TRAF3IP3: variants seen among roughly 807,000 people sequenced by gnomAD.
TRAF3IP3 encodes TRAF3-interacting JNK-activating modulator.
In TRAF3IP3, 64 loss-of-function variants were observed where a neutral mutation model predicts 86.5. That is an observed-to-expected ratio of 0.74 (90% CI 0.60 to 0.91). The LOEUF (loss-of-function observed/expected upper bound fraction) is 0.91, where lower values mean the gene tolerates loss of function less well. Ranked by LOEUF, TRAF3IP3 falls within the 40% of genes least tolerant of loss-of-function variation. TRAF3IP3 has a pLI of 0.00. For synonymous variants in TRAF3IP3, 220 were observed against 243.9 expected (o/e 0.90, Z 0.91); for missense variants, 579 against 642.9 (o/e 0.90, Z 1.07).
At chr1:209,768,362 G>A (rs1220550779) in intron 8 of TRAF3IP3, 21 of 985,348 alleles carry the variant, frequency 2.1e-5, no homozygotes, top group Non-Finnish European at 2.5e-5. Context: ...CTCCTGAGGA[G>A]GGTCCAACCT....
intron 6 of TRAF3IP3, 124 bp from the exon 7 acceptor site, chr1:209,763,239 G>A: frequency 7.2e-7 from 1 of 1,392,356 alleles, no homozygotes; most frequent in Non-Finnish European, 1.0e-6. Context: ...GGGACTAAAG[G>A]GACCCTGTCA....
Position 209,775,375 on chromosome 1 carries a change from A to C in TRAF3IP3, c.801A>C (p.Lys267Asn). Residue 267 changes from lysine to asparagine, a missense_variant, in exon 10 of 17, where the codon AAA becomes AAC. Physicochemically the swap from Lys to Asn is moderately conservative, Grantham distance 94 (BLOSUM62 0). Transcript: ENST00000367025. ...AATACTCCCCTTGGGGAATGAAAAA[A>C]GTACTACTGGAGATGGAAGACCAGA... ...TQKYSPWGMK[K>N]VLLEMEDQKN... is the part of the protein sequence containing the mutation. 6.2e-7 allele frequency: 1 copy of C among 1,613,806 alleles called. No homozygotes were observed.
chr1:209,765,224 A>AGG (rs2077327246), intron 8 of TRAF3IP3, among the ~76,000 whole-genome samples: 2 of 96,740 alleles, frequency 2.1e-5, no homozygotes, highest in African/African-American at 9.6e-5. Context: ...GGAGAGAGAG[A>AGG]GAGAGGAAGG....
intron 11 of TRAF3IP3, 44 bp downstream of exon 11, chr1:209,775,780 G>T: frequency 6.5e-7 from 1 of 1,549,060 alleles, no homozygotes; most frequent in East Asian, 2.3e-5. Flanking sequence ...GGTATGGGGA[G>T]GAGGGATGGT....
chr1:209,761,307 T>A (rs915796021), intron 3 of TRAF3IP3, among the ~76,000 whole-genome samples: 1 of 152,240 alleles, frequency 6.6e-6, no homozygotes, highest in Non-Finnish European at 1.5e-5. Flanking sequence ...TCTAAGATTG[T>A]GTAACCCTTA....
chr1:209,763,366 A>T lies in TRAF3IP3; in HGVS notation c.580A>T (p.Ile194Phe), dbSNP rs758174264. ...NYGVAVLDKE[I>F]IQLSDYLKEA... Reference sequence around the variant, plus strand: ...TACCCTTGTTCTTTCTCTCCAGGAAATCATCCAGCTTTCTGATTACCTCAA... The same window carrying T: ...TACCCTTGTTCTTTCTCTCCAGGAATTCATCCAGCTTTCTGATTACCTCAA... Residue 194 changes from isoleucine (I) to phenylalanine (F), a missense_variant, in exon 7 of 17, where the codon ATC becomes TTC. Coordinates refer to ENST00000367025, the MANE Select transcript of TRAF3IP3 (RefSeq NM_025228.4). 2 of 1,613,498 alleles carry T rather than the reference A, an allele frequency of 1.2e-6. No individual in the cohort carries two copies. The highest frequency in any genetic ancestry group is 2.7e-5 in the African/African-American group (2 of 75,028).
chr1:209,780,492 T>G lies in TRAF3IP3; in HGVS notation c.1335T>G (p.Ser445Arg). The change falls in exon 15 of 17, where the codon AGT becomes AGG. Residue 445 changes from serine (S) to arginine (R), a missense_variant. By Grantham distance (110) the Ser-to-Arg change is moderately radical (BLOSUM62 -1). Transcript: ENST00000367025. ...TAGATCAGGCTTTGCCCGTGTGGAG[T>G]CCAAAGTCCTTCCCTAACGAAGTGG... ...TKKDQALPVW[S>R]PKSFPNEVEP... The G allele has an allele frequency of 6.3e-7, 1 of 1,596,218 alleles. No individual in the cohort carries two copies. The highest frequency in any genetic ancestry group is 1.1e-5 in the South Asian group (1 of 89,050).
In TRAF3IP3 at chr1:209,763,487, C is replaced by T; in HGVS notation, c.607-5C>T. On this transcript the variant is annotated splice_polypyrimidine_tract_variant and splice_region_variant and intron_variant, in intron 7 of 16. Transcript: ENST00000367025. ...CCCTCTTGCACTTTGTGCCCGCACC[C>T]CCAGGAGGCCCTACAAAGGGAGCTG... 1 of 1,614,088 alleles carries T rather than the reference C, an allele frequency of 6.2e-7. No individual in the cohort carries two copies. The highest frequency in any genetic ancestry group is 8.5e-7 in the Non-Finnish European group (1 of 1,179,932).
At position 209,778,575 on chromosome 1, in the gene TRAF3IP3, A is replaced by G. The variant is rs182877941; in HGVS notation, c.1252+402A>G. 6.6e-5 allele frequency: 11 copies of G among 167,516 alleles called. No homozygotes were observed. In the East Asian group the frequency reaches 6.7e-4, roughly 10 times the overall value. The allele number at this position is 167,516 out of a possible 1,614,324, so 10.4% of individuals were successfully genotyped here. ...GTGCCTCAATCCACTTCAAAACTACATATTGGGCCCAAAGAGGAAAAGGGA... is the reference window on the plus strand; with the variant it reads ...GTGCCTCAATCCACTTCAAAACTACGTATTGGGCCCAAAGAGGAAAAGGGA... On this transcript the variant is annotated intron_variant, in intron 13 of 16. Transcript: ENST00000367025.
Position 209,780,480 on chromosome 1 carries a change from G to A in TRAF3IP3, c.1323G>A (p.Leu441=). ...TGGCTGCTTTTTTAGATCAGGCTTT[G>A]CCCGTGTGGAGTCCAAAGTCCTTCC... ...EKLLTKKDQA[L]PVWSPKSFPN... The change falls in exon 15 of 17, where the codon TTG becomes TTA. Residue 441 remains leucine (L), a synonymous_variant. Transcript: ENST00000367025. 1.3e-6 allele frequency: 2 copies of A among 1,588,662 alleles called. No individual in the cohort carries two copies. Among genetic ancestry groups the A allele is most frequent in the East Asian group, 4.6e-5 (2 of 43,576 alleles).
At position 209,777,373 on chromosome 1, in the gene TRAF3IP3, C is replaced by T; in HGVS notation, c.1075C>T (p.Gln359Ter). 1 of 1,613,914 alleles carries T rather than the reference C, an allele frequency of 6.2e-7. No homozygotes were observed. Among genetic ancestry groups the T allele is most frequent in the Non-Finnish European group, 8.5e-7 (1 of 1,179,930 alleles). The change falls in exon 12 of 17, where the codon CAG becomes TAG. Residue 359 changes from glutamine to a stop codon, truncating the protein, a stop_gained. Coordinates refer to ENST00000367025, the MANE Select transcript of TRAF3IP3 (RefSeq NM_025228.4). LOFTEE classifies it high-confidence loss of function. Reference sequence around the variant, plus strand: ...ACAGGGAGCAGATAGCAGGGACTTACAGATGAACCAGGCCCTGCGATTTTT... The same window carrying T: ...ACAGGGAGCAGATAGCAGGGACTTATAGATGAACCAGGCCCTGCGATTTTT... ...KLQGADSRDL[Q>*]MNQALRFLEN...
chr1:209,770,772 CCTATGGAGGTGTGTGTGTGT>C (rs1480350145), intron 8 of TRAF3IP3, among the ~76,000 whole-genome samples: 27 of 75,746 alleles, frequency 3.6e-4, no homozygotes, highest in African/African-American at 1.3e-3. Flanking sequence ...TGTGCGTGTG[CCTATGGAGGTGTGTGTGTGT>C]GCATATGGAG....
At chr1:209,770,808 T>G (rs1571938575) in intron 8 of TRAF3IP3, among the ~76,000 whole-genome samples, 1 of 131,280 alleles carries the variant, frequency 7.6e-6, no homozygotes, top group Non-Finnish European at 1.6e-5. Flanking sequence ...TGGAGGTGTG[T>G]GTGTGCAGGT....
chr1:209,767,905 G>A (rs1416292470), intron 8 of TRAF3IP3, among the ~76,000 whole-genome samples: 1 of 152,126 alleles, frequency 6.6e-6, no homozygotes, highest in African/African-American at 2.4e-5. Flanking sequence ...CCCAAGAGCA[G>A]AAGTTCCCTT....
chr1:209,775,233 A>AT (rs1272452713), intron 9 of TRAF3IP3, 116 bp from the exon 10 acceptor site: 39 of 963,132 alleles, frequency 4.0e-5, no homozygotes, highest in Non-Finnish European at 5.9e-5. Flanking sequence ...GGCTCACTAG[A>AT]TTACTGGTAT....
At chr1:209,770,247 C>T (rs4990735) in intron 8 of TRAF3IP3, among the ~76,000 whole-genome samples, 20,971 of 152,234 alleles carry the variant, frequency 0.14, 1,863 homozygotes, top group Non-Finnish European at 0.19. Flanking sequence ...AATATCTCTC[C>T]GTTTCTTGCT....
chr1:209,765,197 GA>G (rs2077321884), intron 8 of TRAF3IP3, among the ~76,000 whole-genome samples: 2 of 137,732 alleles, frequency 1.5e-5, no homozygotes, highest in Admixed American at 7.7e-5. Context: ...GAGAGAGAGA[GA>G]GAGAGAGAGA....
chr1:209,772,693 T>C (rs1327360169), intron 8 of TRAF3IP3, among the ~76,000 whole-genome samples: 1 of 151,416 alleles, frequency 6.6e-6, no homozygotes, highest in African/African-American at 2.5e-5. Context: ...TATGCTACCC[T>C]GAGCCATTTG....
At chr1:209,777,280 C>T (rs2077674308) in intron 11 of TRAF3IP3, 72 bp from the exon 12 acceptor site, 2 of 1,387,058 alleles carry the variant, frequency 1.4e-6, no homozygotes, top group Non-Finnish European at 9.8e-7. Flanking sequence ...TTTCCTCTTC[C>T]ATGGTACCCG....
Sources: allele counts gnomAD v4.1 joint callset (sites outside exome capture counted in the v4.1 genomes callset), GRCh38; gene constraint gnomAD v4.1.1; transcripts MANE v1.5; gene names NCBI Gene and HGNC (gene_info 2026-07-23, HGNC 2026-07-21).